Variants in THSD7B observed in about 807,000 individuals in gnomAD.
THSD7B encodes the protein thrombospondin type-1 domain-containing protein 7B.
Under a neutral mutation model 213.6 loss-of-function variants are expected in THSD7B, and 138 were observed. That is an observed-to-expected ratio of 0.65 (90% CI 0.56 to 0.74). THSD7B has a LOEUF of 0.74. Among genes scored for constraint, THSD7B ranks in the 30% least tolerant of loss-of-function variants. The pLI, the probability that THSD7B is intolerant of heterozygous loss-of-function variation, is 0.00. For synonymous variants in THSD7B, 742 were observed against 687.0 expected (o/e 1.08, Z -1.25); for missense variants, 1,931 against 1,991.5 (o/e 0.97, Z 0.58).
intron 12 of THSD7B, among the ~76,000 whole-genome samples, chr2:137,348,356 C>CT (rs1684925184): frequency 6.6e-6 from 1 of 151,792 alleles, no homozygotes; most frequent in African/African-American, 2.4e-5. Context: ...CATATTCATG[C>CT]TTTTTTGTGT....
intron 2 of THSD7B, among the ~76,000 whole-genome samples, chr2:136,932,008 CATAG>C (rs1387998706): frequency 7.2e-5 from 11 of 152,114 alleles, no homozygotes; most frequent in Admixed American, 5.2e-4. Context: ...TTATATTTAA[CATAG>C]ATAGGACTGG....
At chr2:136,996,723 A>G (rs62170859) in intron 2 of THSD7B, among the ~76,000 whole-genome samples, 15,683 of 152,232 alleles carry the variant, frequency 0.1, 1,040 homozygotes, top group East Asian at 0.16. Flanking sequence ...TTAATTATTA[A>G]TCAATCAATA....
At chr2:137,192,254 A>G (rs1327476144) in intron 7 of THSD7B, among the ~76,000 whole-genome samples, 1 of 152,178 alleles carries the variant, frequency 6.6e-6, no homozygotes, top group Non-Finnish European at 1.5e-5. Flanking sequence ...CAACACATAT[A>G]TATGTGTTCT....
chr2:137,125,905 T>C (rs1252365978), intron 5 of THSD7B, among the ~76,000 whole-genome samples: 1 of 152,172 alleles, frequency 6.6e-6, no homozygotes, highest in African/African-American at 2.4e-5. Context: ...CCATCAGGGC[T>C]TTTGGGGCAT....
chr2:137,361,508 C>G (rs1419456646), intron 12 of THSD7B, among the ~76,000 whole-genome samples: 1 of 152,074 alleles, frequency 6.6e-6, no homozygotes, highest in Admixed American at 6.6e-5. Flanking sequence ...GAATGGCTAA[C>G]TAGAATAAAC....
chr2:137,160,133 C>T (rs1478370459), intron 5 of THSD7B, 80 bp from the exon 6 acceptor site: 7 of 1,427,664 alleles, frequency 4.9e-6, no homozygotes, highest in Non-Finnish European at 6.6e-6. Flanking sequence ...ATTTGCAAGA[C>T]AGGCATGCAA....
At chr2:137,332,950 A>T (rs2104896391) in intron 12 of THSD7B, among the ~76,000 whole-genome samples, 1 of 152,316 alleles carries the variant, frequency 6.6e-6, no homozygotes, top group South Asian at 2.1e-4. Flanking sequence ...TAGCAGCATG[A>T]GAATAGACTA....
chr2:137,284,110 T>C (rs1683108750), intron 12 of THSD7B, among the ~76,000 whole-genome samples: 1 of 152,180 alleles, frequency 6.6e-6, no homozygotes, highest in Non-Finnish European at 1.5e-5. Flanking sequence ...ATTCCACTTC[T>C]TCCTGGTTTA....
At chr2:136,942,435 T>G (rs1224707472) in intron 2 of THSD7B, among the ~76,000 whole-genome samples, 2 of 152,202 alleles carry the variant, frequency 1.3e-5, no homozygotes, top group African/African-American at 4.8e-5. Flanking sequence ...ATAAATTATC[T>G]TGGGCAGTAA....
chr2:137,081,219 T>C (rs1687741833), intron 3 of THSD7B, among the ~76,000 whole-genome samples: 1 of 152,140 alleles, frequency 6.6e-6, no homozygotes. Flanking sequence ...TAGTAGTTCG[T>C]TTCAATGTAT....
chr2:137,528,983 A>G (rs1247646973), intron 15 of THSD7B, among the ~76,000 whole-genome samples: 1 of 152,052 alleles, frequency 6.6e-6, no homozygotes, highest in South Asian at 2.1e-4. Flanking sequence ...ATCCTCTTTA[A>G]TCATTAAATT....
At chr2:137,668,384 T>C (rs1490614659) in intron 27 of THSD7B, among the ~76,000 whole-genome samples, 1 of 151,514 alleles carries the variant, frequency 6.6e-6, no homozygotes, top group Non-Finnish European at 1.5e-5. Context: ...TTTTAAATAG[T>C]AGAGCAAGTT....
chr2:137,224,057 T>C (rs1218701494), intron 7 of THSD7B, among the ~76,000 whole-genome samples: 1 of 152,154 alleles, frequency 6.6e-6, no homozygotes, highest in African/African-American at 2.4e-5. Flanking sequence ...ACCCAGGTAG[T>C]TCTTTATAAC....
chr2:136,927,317 A>G (rs1429989), intron 2 of THSD7B, among the ~76,000 whole-genome samples: 30,875 of 152,022 alleles, frequency 0.2, 3,459 homozygotes, highest in African/African-American at 0.3. Context: ...GACCTGCCTC[A>G]GGTGGGCAGC....
intron 7 of THSD7B, among the ~76,000 whole-genome samples, chr2:137,201,275 G>A (rs1042954973): frequency 3.9e-5 from 6 of 152,088 alleles, no homozygotes; most frequent in African/African-American, 1.4e-4. Flanking sequence ...GGGTGTGTGT[G>A]CATGTGCATG....
chr2:137,143,931 T>C (rs1278989751), intron 5 of THSD7B, among the ~76,000 whole-genome samples: 1 of 152,146 alleles, frequency 6.6e-6, no homozygotes, highest in African/African-American at 2.4e-5. Flanking sequence ...GGTGGTTTTT[T>C]TTCCAGCTTT....
chr2:137,650,198 C>CT (rs1683111698), intron 21 of THSD7B, among the ~76,000 whole-genome samples: 1 of 152,160 alleles, frequency 6.6e-6, no homozygotes, highest in African/African-American at 2.4e-5. Context: ...AATACTAGTT[C>CT]TTCCAATCCA....
chr2:137,252,396 A>G (rs1573913212), intron 10 of THSD7B, among the ~76,000 whole-genome samples: 1 of 152,036 alleles, frequency 6.6e-6, no homozygotes, highest in Non-Finnish European at 1.5e-5. Context: ...TGCTGGGATT[A>G]CAGTTTAGAT....
chr2:136,796,980 TCACA>T (rs58116447), intron 1 of THSD7B, among the ~76,000 whole-genome samples: 30,091 of 146,830 alleles, frequency 0.2, 3,467 homozygotes, highest in East Asian at 0.4. Context: ...TCATATTTGA[TCACA>T]CACACACACA....
Sources: gnomAD v4.1 joint callset for allele counts (sites outside exome capture counted in the v4.1 genomes callset) on GRCh38, gnomAD v4.1.1 for gene constraint, MANE v1.5 for transcripts, NCBI Gene and HGNC (gene_info 2026-07-23, HGNC 2026-07-21) for gene names.